Variants in SYNE2 observed in about 807,000 individuals in gnomAD.
The protein encoded by SYNE2 is spectrin repeat containing nuclear envelope protein 2.
A neutral mutation model predicts 856.3 loss-of-function variants in SYNE2; 431 were observed. The observed-to-expected ratio is 0.50, with a 90% CI of 0.47 to 0.55. SYNE2 has a LOEUF of 0.55. SYNE2 is among the 20% of genes least tolerant of loss of function. The pLI, the probability that SYNE2 is intolerant of heterozygous loss-of-function variation, is 0.00. For missense variants in SYNE2, 8,129 were observed against 8,023.2 expected (o/e 1.01, Z -0.50); for synonymous variants, 2,923 against 2,872.3 (o/e 1.02, Z -0.56).
At position 64,214,288 on chromosome 14, in the gene SYNE2, G is replaced by A. The variant is rs1440528762; in HGVS notation, c.19151G>A (p.Ser6384Asn). 24 of 1,613,980 alleles carry A rather than the reference G, an allele frequency of 1.5e-5. No homozygotes were observed. In the Admixed American group the frequency reaches 3.3e-4, roughly 22 times the overall value. Residue 6384 changes from serine (S) to asparagine (N), a missense_variant, in exon 106 of 116, where the codon AGC becomes AAC. Ser to Asn is a conservative substitution (Grantham distance 46, BLOSUM62 1). Around this residue, in one of 3 missense-constraint regions of SYNE2, gnomAD observed 5,410 missense variants for 5,284.8 expected, o/e 1.02. Coordinates refer to ENST00000555002, the MANE Select transcript of SYNE2 (RefSeq NM_182914.3). ...QTDSWRKRGE[S>N]EEPSSPQSLC... is the part of the protein sequence containing the mutation. Reference sequence around the variant, plus strand: ...GATTCTTGGCGTAAACGGGGAGAGAGCGAGGAACCGTCATCTCCTCAGTCC... The same window carrying A: ...GATTCTTGGCGTAAACGGGGAGAGAACGAGGAACCGTCATCTCCTCAGTCC...
At chr14:64,165,219 C>T in intron 89 of SYNE2, 66 bp from the exon 90 acceptor site, 1 of 1,553,784 alleles carries the variant, frequency 6.4e-7, no homozygotes, top group Non-Finnish European at 8.9e-7. Flanking sequence ...AGCTCCCAAG[C>T]CTGTGTTTAA....
intron 33 of SYNE2, among the ~76,000 whole-genome samples, chr14:64,016,954 A>G (rs2096896432): frequency 6.6e-6 from 1 of 152,202 alleles, no homozygotes; most frequent in Admixed American, 6.5e-5. Flanking sequence ...TTTATTAATT[A>G]GAAACTAAGA....
At chr14:64,154,596 C>T (rs1433104795) in intron 85 of SYNE2, among the ~76,000 whole-genome samples, 1 of 151,944 alleles carries the variant, frequency 6.6e-6, no homozygotes, top group African/African-American at 2.4e-5. Context: ...AGTTTAAGAC[C>T]AGCCTGGCCA....
At chr14:64,125,006 A>G (rs928976582) in intron 70 of SYNE2, 73 bp from the exon 71 acceptor site, 5 of 1,588,838 alleles carry the variant, frequency 3.1e-6, no homozygotes, top group Non-Finnish European at 4.3e-6. Flanking sequence ...CCATCTCGAA[A>G]ATAAAAAAAT....
intron 2 of SYNE2, among the ~76,000 whole-genome samples, chr14:63,920,083 A>C (rs1271028366): frequency 6.8e-6 from 1 of 147,472 alleles, no homozygotes; most frequent in Non-Finnish European, 1.5e-5. Flanking sequence ...TTGTTCATTC[A>C]TTATTCAACA....
At chr14:63,967,596 C>A in intron 10 of SYNE2, 113 bp from the exon 11 acceptor site, 1 of 1,115,330 alleles carries the variant, frequency 9.0e-7, no homozygotes, top group Non-Finnish European at 1.3e-6. Context: ...GGGGATTTTA[C>A]CTTTAAGTAA....
intron 57 of SYNE2, chr14:64,087,392 A>T: frequency 1.7e-6 from 1 of 595,426 alleles, no homozygotes; most frequent in Non-Finnish European, 3.3e-6. Flanking sequence ...ATAATAAAAG[A>T]CACTTCTCTC....
At chr14:63,916,454 G>T (rs1467750666) in intron 2 of SYNE2, among the ~76,000 whole-genome samples, 2 of 152,142 alleles carry the variant, frequency 1.3e-5, no homozygotes, top group Non-Finnish European at 2.9e-5. Context: ...GAAGTATGTT[G>T]TAGGTACATA....
At chr14:64,080,964 A>T (rs1271793426) in intron 56 of SYNE2, among the ~76,000 whole-genome samples, 1 of 152,148 alleles carries the variant, frequency 6.6e-6, no homozygotes, top group Non-Finnish European at 1.5e-5. Context: ...GAGTCTAGTA[A>T]GGGAGACAAC....
chr14:64,173,895 A>G, intron 94 of SYNE2: 1 of 675,742 alleles, frequency 1.5e-6, no homozygotes, highest in South Asian at 1.6e-5. Context: ...CAATCTCTTT[A>G]AAGAACGCCC....
rs759110381 is a variant in SYNE2 at position 64,122,005 on chromosome 14, A to G, written c.13159-7A>G. Reference sequence around the variant, plus strand: ...GATTGGACCATTTGAATCTCATTCAATTACAGGTTCTGGAGTTAAAACCAA... The same window carrying G: ...GATTGGACCATTTGAATCTCATTCAGTTACAGGTTCTGGAGTTAAAACCAA... On this transcript the variant is annotated splice_polypyrimidine_tract_variant and splice_region_variant and intron_variant, in intron 68 of 115. Coordinates refer to ENST00000555002, the MANE Select transcript of SYNE2 (RefSeq NM_182914.3). 155 of 1,613,184 alleles carry G rather than the reference A, an allele frequency of 9.6e-5. No individual in the cohort carries two copies. The highest frequency in any genetic ancestry group is 1.2e-4 in the Non-Finnish European group (145 of 1,179,956).
In SYNE2 at chr14:64,190,214, T is replaced by C. The variant is rs1323946751; in HGVS notation, c.18015T>C (p.His6005=). 5 of 1,613,962 alleles carry C rather than the reference T, an allele frequency of 3.1e-6. No homozygotes were observed. Among genetic ancestry groups the C allele is most frequent in the Admixed American group, 3.3e-5 (2 of 59,992 alleles). ...ACAAAATTAACGATCGTTGGCAACATCTTTTTGATGTCATCGGATCAAGGT... is the reference window on the plus strand; with the variant it reads ...ACAAAATTAACGATCGTTGGCAACACCTTTTTGATGTCATCGGATCAAGGT... ...KLNKINDRWQ[H]LFDVIGSRVK... Residue 6005 remains histidine, a synonymous_variant, in exon 99 of 116, where the codon CAT becomes CAC. Transcript: ENST00000555002.
At chr14:64,021,235 C>A in intron 35 of SYNE2, 80 bp from the exon 36 acceptor site, 4 of 1,092,284 alleles carry the variant, frequency 3.7e-6, no homozygotes, top group Non-Finnish European at 5.6e-6. Context: ...GTAATCTCAA[C>A]CCATTCTCTA....
chr14:64,150,993 C>G (rs143467497), intron 84 of SYNE2, among the ~76,000 whole-genome samples: 8 of 152,144 alleles, frequency 5.3e-5, no homozygotes, highest in African/African-American at 1.7e-4. Context: ...TGGATTGTTA[C>G]GACAGTGAGA....
chr14:64,168,698 T>G (rs2098395581), intron 92 of SYNE2, among the ~76,000 whole-genome samples, 179 bp from the exon 93 acceptor site: 1 of 152,232 alleles, frequency 6.6e-6, no homozygotes, highest in Non-Finnish European at 1.5e-5. Flanking sequence ...CTTTTAAGAA[T>G]ATATTCGTAG....
At chr14:64,059,488 G>T (rs1261957933) in intron 49 of SYNE2, among the ~76,000 whole-genome samples, 1 of 152,198 alleles carries the variant, frequency 6.6e-6, no homozygotes, top group Non-Finnish European at 1.5e-5. Context: ...AAGAGGCAGA[G>T]ACTCTTGTTG....
chr14:64,223,657 G>A (rs2098704969), intron 113 of SYNE2, among the ~76,000 whole-genome samples: 1 of 152,084 alleles, frequency 6.6e-6, no homozygotes, highest in Non-Finnish European at 1.5e-5. Context: ...GTAGAGAAGG[G>A]TTCTTGCCAT....
At chr14:64,146,315 A>C in intron 84 of SYNE2, 92 bp downstream of exon 84, 1 of 1,210,672 alleles carries the variant, frequency 8.3e-7, no homozygotes, top group Non-Finnish European at 1.1e-6. Context: ...TAGTTTGTGG[A>C]AACTCTCTTC....
At chr14:63,921,080 A>C (rs2095595305) in intron 2 of SYNE2, among the ~76,000 whole-genome samples, 1 of 152,164 alleles carries the variant, frequency 6.6e-6, no homozygotes, top group Admixed American at 6.6e-5. Context: ...ATGCCATTGC[A>C]TACCAGCCTG....
Sources: allele counts gnomAD v4.1 joint callset (sites outside exome capture counted in the v4.1 genomes callset), GRCh38; gene constraint gnomAD v4.1.1; regional missense constraint gnomAD v4.1.1; transcripts MANE v1.5; gene names NCBI Gene and HGNC (gene_info 2026-07-23, HGNC 2026-07-21).